STAT4: variants seen among roughly 807,000 people sequenced by gnomAD.
STAT4 encodes signal transducer and activator of transcription 4.
Under a neutral mutation model 110.5 loss-of-function variants are expected in STAT4, and 42 were observed. That is an observed-to-expected ratio of 0.38 (90% confidence interval 0.30 to 0.49). The LOEUF is 0.49. STAT4 is among the 20% of genes least tolerant of loss of function. STAT4 has a pLI of 0.95. For synonymous variants in STAT4, 284 were observed against 302.2 expected (o/e 0.94, Z 0.63); for missense variants, 632 against 887.9 (o/e 0.71, Z 3.66).
At chr2:191,148,338 G>A in intron 1 of STAT4, 134 bp from the exon 2 acceptor site, 2 of 1,177,986 alleles carry the variant, frequency 1.7e-6, no homozygotes, top group South Asian at 1.7e-5. Flanking sequence ...ATTTCACTAA[G>A]GTTTTTTTTC....
intron 3 of STAT4, among the ~76,000 whole-genome samples, chr2:191,097,684 C>T (rs1373323596): frequency 6.6e-6 from 1 of 152,150 alleles, no homozygotes; most frequent in African/African-American, 2.4e-5. Context: ...AAAACCTAGG[C>T]AATACTATTC....
Position 191,050,696 on chromosome 2 carries a change from G to T in STAT4, c.1251+3794C>A, listed in dbSNP as rs1468786520. 6.6e-6 allele frequency among the ~76,000 whole-genome samples: 1 copy of T among 152,090 alleles called. No homozygotes were observed. Among genetic ancestry groups the T allele is most frequent in the Non-Finnish European group, 1.5e-5 (1 of 68,024 alleles). On this transcript the variant is annotated intron_variant, in intron 14 of 23. Transcript: ENST00000392320. This position sits in a 1 kb window ranked among gnomAD's most constrained non-coding sequence, Gnocchi z 4.3. Reference sequence around the variant, plus strand: ...GCTGCCTTGATAGAAACAGGCATGAGGGAGCCAGAGCTCCACATTTCCCCA... The same window carrying T: ...GCTGCCTTGATAGAAACAGGCATGATGGAGCCAGAGCTCCACATTTCCCCA...
intron 3 of STAT4, among the ~76,000 whole-genome samples, chr2:191,130,629 G>A (rs1699010342): frequency 6.6e-6 from 1 of 151,462 alleles, no homozygotes; most frequent in African/African-American, 2.4e-5. Flanking sequence ...TATCATGCTG[G>A]GGACCCGTAT....
chr2:191,034,733 C>T, intron 17 of STAT4, 136 bp from the exon 18 acceptor site: 1 of 673,424 alleles, frequency 1.5e-6, no homozygotes, highest in Non-Finnish European at 2.7e-6. Flanking sequence ...GTACTGAGTG[C>T]TAGGTACAGT....
rs2125439389 is a variant in STAT4 at position 191,138,730 on chromosome 2, A to G, written c.273+7883T>C. 6.6e-6 allele frequency among the ~76,000 whole-genome samples: 1 copy of G among 152,308 alleles called. No individual in the cohort carries two copies. Among genetic ancestry groups the G allele is most frequent in the East Asian group, 1.9e-4 (1 of 5,192 alleles). On this transcript the variant is annotated intron_variant, in intron 3 of 23. Coordinates refer to ENST00000392320, the MANE Select transcript of STAT4 (RefSeq NM_003151.4). The surrounding 1 kb of genome is among the most constrained non-coding windows in gnomAD (Gnocchi z 4.3). ...TGAAACTATTGCAAAAGATAGTGAA[A>G]GAGGGAATTCTCTCTAAATCATTCC... is the stretch of plus-strand genomic sequence containing the variant.
chr2:191,084,775 C>T (rs752640730), intron 3 of STAT4, among the ~76,000 whole-genome samples: 9 of 151,854 alleles, frequency 5.9e-5, no homozygotes, highest in African/African-American at 1.2e-4. Flanking sequence ...AGCATACTGA[C>T]GTAGGGCCAG....
chr2:191,062,855 G>C lies in STAT4; in HGVS notation c.848C>G (p.Ser283Cys). The C allele has an allele frequency of 1.2e-6, 2 of 1,613,954 alleles. No homozygotes were observed. The highest frequency in any genetic ancestry group is 1.7e-6 in the Non-Finnish European group (2 of 1,179,912). Residue 283 changes from serine to cysteine, a missense_variant, in exon 9 of 24, where the codon TCT (serine) becomes TGT (cysteine). By Grantham distance (112) the Ser-to-Cys change is moderately radical. Coordinates refer to ENST00000392320, the MANE Select transcript of STAT4 (RefSeq NM_003151.4). This position sits in a 1 kb window ranked among gnomAD's most constrained non-coding sequence, Gnocchi z 4.9. ...RRQLEKLEEQ[S>C]TKMTYEGDPI... is the part of the protein sequence containing the mutation. ...ATCACCTTCATATGTCATTTTGGTAGATTGCTCCTCTAGTTTCTCCAATTG... is the reference window on the plus strand; with the variant it reads ...ATCACCTTCATATGTCATTTTGGTACATTGCTCCTCTAGTTTCTCCAATTG...
At chr2:191,068,906 T>C (rs1257473197) in intron 6 of STAT4, among the ~76,000 whole-genome samples, 1 of 152,034 alleles carries the variant, frequency 6.6e-6, no homozygotes, top group African/African-American at 2.4e-5. Context: ...CCTTCATTTT[T>C]AAAAAACACC....
chr2:191,044,617 C>T (rs921312462), intron 14 of STAT4, among the ~76,000 whole-genome samples: 6 of 152,124 alleles, frequency 3.9e-5, no homozygotes, highest in South Asian at 2.1e-4. Context: ...CCTAGGATAA[C>T]GGTGAAAGGG....
intron 15 of STAT4, among the ~76,000 whole-genome samples, chr2:191,040,420 T>C (rs1379922505): frequency 2.0e-5 from 3 of 152,290 alleles, no homozygotes; most frequent in Admixed American, 1.3e-4. Context: ...AGCTCAAGGA[T>C]ACTTATTTCT....
chr2:191,148,327 A>T (rs1699507843), intron 1 of STAT4, 123 bp from the exon 2 acceptor site: 1 of 1,261,258 alleles, frequency 7.9e-7, no homozygotes, highest in Non-Finnish European at 1.1e-6. Flanking sequence ...AGGATACAAA[A>T]ATTTCACTAA....
At position 191,033,978 on chromosome 2, in the gene STAT4, A is replaced by G. The variant is rs373191999; in HGVS notation, c.1648T>C (p.Phe550Leu). The change falls in exon 19 of 24, where the codon TTT becomes CTT. Residue 550 changes from phenylalanine (F) to leucine (L), a missense_variant. This residue lies in a region of STAT4 where 74 missense variants were observed against 154.3 expected (regional missense o/e 0.48). Coordinates refer to ENST00000392320, the MANE Select transcript of STAT4 (RefSeq NM_003151.4). This position sits in a 1 kb window ranked among gnomAD's most constrained non-coding sequence, Gnocchi z 6.9. ...AATATTGCTTCAAGCCATGTCCAAA[A>G]GGTAAATGATTTACCAGGTAAATGT... The part of the protein sequence containing the change: ...KEHLPGKSFT[F>L]WTWLEAILDL... 7 of 1,611,750 alleles carry G rather than the reference A, an allele frequency of 4.3e-6. No individual in the cohort carries two copies. The highest frequency in any genetic ancestry group is 5.9e-6 in the Non-Finnish European group (7 of 1,179,134).
intron 3 of STAT4, among the ~76,000 whole-genome samples, chr2:191,102,118 A>G (rs76601888): frequency 0.018 from 2,675 of 151,688 alleles, 88 homozygotes; most frequent in African/African-American, 0.062. Flanking sequence ...TGAGGTTGCA[A>G]TTTTTTGAAT....
In STAT4 at chr2:191,036,282, A is replaced by G. The variant is rs1355167764; in HGVS notation, c.1452T>C (p.Asn484=). The G allele has an allele frequency of 1.9e-6, 3 of 1,614,102 alleles. No individual in the cohort carries two copies. Among genetic ancestry groups the G allele is most frequent in the Non-Finnish European group, 2.5e-6 (3 of 1,180,006 alleles). ...GACTCAATGTGGCAGGTGGAGGATTATTAAAGAAAACCAAGTTCTGAAATA... is the reference window on the plus strand; with the variant it reads ...GACTCAATGTGGCAGGTGGAGGATTGTTAAAGAAAACCAAGTTCTGAAATA... ...TNDSQNLVFF[N]NPPPATLSQL... The change falls in exon 17 of 24, where the codon AAT becomes AAC. Residue 484 remains asparagine, a synonymous_variant. Coordinates refer to ENST00000392320, the MANE Select transcript of STAT4 (RefSeq NM_003151.4).
intron 3 of STAT4, among the ~76,000 whole-genome samples, chr2:191,139,669 C>T (rs921505234): frequency 6.6e-6 from 1 of 152,102 alleles, no homozygotes; most frequent in Admixed American, 6.5e-5. Context: ...GTGAAAATGA[C>T]CACTCTGCCC....
At chr2:191,063,049 T>A in intron 8 of STAT4, 129 bp from the exon 9 acceptor site, 1 of 783,004 alleles carries the variant, frequency 1.3e-6, no homozygotes, top group Non-Finnish European at 1.8e-6. Context: ...ATGAATCACT[T>A]AATTTGATTT....
intron 3 of STAT4, among the ~76,000 whole-genome samples, chr2:191,088,328 A>C (rs1412228497): frequency 6.6e-6 from 1 of 152,214 alleles, no homozygotes; most frequent in Non-Finnish European, 1.5e-5. Flanking sequence ...ATTAGCACAA[A>C]AAATGAAATA....
chr2:191,121,609 A>G, intron 3 of STAT4, among the ~76,000 whole-genome samples: 1 of 152,170 alleles, frequency 6.6e-6, no homozygotes, highest in Non-Finnish European at 1.5e-5. Context: ...GGATGAGTTC[A>G]TGTCCTTTGT....
rs1157801941 is a variant in STAT4, at chr2:191,062,460, T to C, written c.941+302A>G. On this transcript the variant is annotated intron_variant, in intron 9 of 23. Transcript: ENST00000392320. The surrounding 1 kb of genome is among the most constrained non-coding windows in gnomAD (Gnocchi z 4.9). ...ACATGAAAATGTTCTCCATCCTTCA[T>C]TTCATGGATATGCACATAAGAAAAA... Among the ~76,000 whole-genome samples the C allele has an allele frequency of 6.6e-6, 1 of 152,186 alleles. No homozygotes were observed. The highest frequency in any genetic ancestry group is 2.4e-5 in the African/African-American group (1 of 41,442).
Sources: gnomAD v4.1 joint callset for allele counts (sites outside exome capture counted in the v4.1 genomes callset) on GRCh38, gnomAD v4.1.1 for gene constraint, gnomAD v4.1.1 regional missense constraint, Gnocchi (gnomAD v3.1) non-coding constraint, MANE v1.5 for transcripts, NCBI Gene and HGNC (gene_info 2026-07-23, HGNC 2026-07-21) for gene names.